Variants in COL22A1 observed in about 807,000 individuals in gnomAD.
COL22A1 encodes collagen alpha-1(XXII) chain.
A neutral mutation model predicts 248.9 loss-of-function variants in COL22A1; 221 were observed. That is an observed-to-expected ratio of 0.89 (90% confidence interval 0.80 to 0.99). COL22A1 has a LOEUF of 0.99. Among genes scored for constraint, COL22A1 ranks in the 50% least tolerant of loss-of-function variants. The pLI is 0.00. For synonymous variants in COL22A1, 891 were observed against 793.4 expected (o/e 1.12, Z -2.07); for missense variants, 2,240 against 2,179.0 (o/e 1.03, Z -0.56).
At chr8:138,817,055 T>C in intron 7 of COL22A1, among the ~76,000 whole-genome samples, 1 of 152,180 alleles carries the variant, frequency 6.6e-6, no homozygotes, top group East Asian at 1.9e-4. Context: ...GTTTCCACTG[T>C]CTCCTTTCTA....
chr8:138,848,526 C>T (rs370140264), intron 3 of COL22A1, among the ~76,000 whole-genome samples: 2 of 152,152 alleles, frequency 1.3e-5, no homozygotes, highest in African/African-American at 2.4e-5. Flanking sequence ...CACAATATGG[C>T]GTCTGATGTC....
At chr8:138,639,368 G>A (rs1821465763) in intron 47 of COL22A1, among the ~76,000 whole-genome samples, 1 of 152,168 alleles carries the variant, frequency 6.6e-6, no homozygotes, top group African/African-American at 2.4e-5. Flanking sequence ...TTATCCAACA[G>A]GTTTCAAGAT....
chr8:138,630,256 C>G (rs1161724555), intron 50 of COL22A1, among the ~76,000 whole-genome samples: 1 of 152,156 alleles, frequency 6.6e-6, no homozygotes, highest in African/African-American at 2.4e-5. Flanking sequence ...TAATTCCATT[C>G]TCCTCTTTTG....
chr8:138,785,899 G>A (rs1457017136), intron 12 of COL22A1, among the ~76,000 whole-genome samples: 1 of 152,200 alleles, frequency 6.6e-6, no homozygotes, highest in African/African-American at 2.4e-5. Flanking sequence ...CTGTGGGCTT[G>A]TAAGGGAATG....
chr8:138,771,241 C>G (rs940909128), intron 16 of COL22A1, among the ~76,000 whole-genome samples: 17 of 152,146 alleles, frequency 1.1e-4, no homozygotes, highest in African/African-American at 3.4e-4. Context: ...GAGCTTACCC[C>G]AAAGGAAGCT....
chr8:138,630,235 T>C (rs1034175244), intron 50 of COL22A1, among the ~76,000 whole-genome samples: 2 of 152,170 alleles, frequency 1.3e-5, no homozygotes, highest in Non-Finnish European at 2.9e-5. Flanking sequence ...CCTGGACTAG[T>C]GACTTCTTTT....
intron 20 of COL22A1, 124 bp from the exon 21 acceptor site, chr8:138,755,334 G>T: frequency 7.9e-7 from 1 of 1,263,686 alleles, no homozygotes; most frequent in Non-Finnish European, 1.2e-6. Flanking sequence ...GGGAGTAGAG[G>T]TATGGGAGTG....
chr8:138,717,015 G>T (rs1380017132), intron 27 of COL22A1, 146 bp from the exon 28 acceptor site: 2 of 676,034 alleles, frequency 3.0e-6, no homozygotes, highest in Non-Finnish European at 5.3e-6. Flanking sequence ...AGGCCCAAGA[G>T]TCATGGGCTC....
intron 1 of COL22A1, among the ~76,000 whole-genome samples, chr8:138,912,331 C>G (rs1208337337): frequency 6.6e-6 from 1 of 152,224 alleles, no homozygotes; most frequent in African/African-American, 2.4e-5. Context: ...TTTCCTGGAA[C>G]CTTTGAACTT....
At chr8:138,684,298 G>T in intron 39 of COL22A1, 127 bp downstream of exon 39, 1 of 744,620 alleles carries the variant, frequency 1.3e-6, no homozygotes. Flanking sequence ...TTAGTCAAAT[G>T]GAACACGATG....
At chr8:138,845,184 T>C (rs1425269317) in intron 3 of COL22A1, among the ~76,000 whole-genome samples, 2 of 152,036 alleles carry the variant, frequency 1.3e-5, no homozygotes, top group Non-Finnish European at 2.9e-5. Flanking sequence ...CAATATTACA[T>C]AAATATGTTA....
intron 27 of COL22A1, among the ~76,000 whole-genome samples, chr8:138,719,150 A>G (rs1758797924): frequency 6.6e-6 from 1 of 152,228 alleles, no homozygotes. Flanking sequence ...GGAAGATGAT[A>G]GAATTTCAAT....
At chr8:138,883,920 C>T (rs1262221658) in intron 1 of COL22A1, among the ~76,000 whole-genome samples, 1 of 152,190 alleles carries the variant, frequency 6.6e-6, no homozygotes, top group Non-Finnish European at 1.5e-5. Flanking sequence ...TCACCGTCCT[C>T]ATCTGAATAT....
chr8:138,849,807 C>T (rs1821499170), intron 3 of COL22A1, among the ~76,000 whole-genome samples: 1 of 152,198 alleles, frequency 6.6e-6, no homozygotes, highest in Non-Finnish European at 1.5e-5. Context: ...TGACAAGTGG[C>T]ACAGAACTGA....
intron 23 of COL22A1, among the ~76,000 whole-genome samples, chr8:138,727,899 C>G (rs1054319093): frequency 2.0e-5 from 3 of 152,158 alleles, no homozygotes; most frequent in African/African-American, 4.8e-5. Flanking sequence ...CTTGCTGTAT[C>G]GTGGGCTGAG....
At chr8:138,846,194 C>A (rs2131879700) in intron 3 of COL22A1, among the ~76,000 whole-genome samples, 1 of 152,310 alleles carries the variant, frequency 6.6e-6, no homozygotes, top group East Asian at 1.9e-4. Context: ...ACAGCAGCAG[C>A]TGTGGGGTGA....
intron 4 of COL22A1, among the ~76,000 whole-genome samples, chr8:138,835,630 A>G (rs1820373560): frequency 6.6e-6 from 1 of 152,164 alleles, no homozygotes; most frequent in South Asian, 2.1e-4. Context: ...AGATTTGTCA[A>G]ACTGAACATA....
At chr8:138,887,773 A>C (rs919259101) in intron 1 of COL22A1, among the ~76,000 whole-genome samples, 5 of 152,214 alleles carry the variant, frequency 3.3e-5, no homozygotes, top group African/African-American at 9.6e-5. Flanking sequence ...GGGGGTCATA[A>C]GAGTTTTGCA....
intron 23 of COL22A1, among the ~76,000 whole-genome samples, chr8:138,736,468 G>C (rs964703431): frequency 2.0e-5 from 3 of 152,094 alleles, no homozygotes; most frequent in African/African-American, 7.2e-5. Flanking sequence ...CAGGGAGGAA[G>C]GGATTTGAAG....
Sources: allele counts gnomAD v4.1 joint callset (sites outside exome capture counted in the v4.1 genomes callset), GRCh38; gene constraint gnomAD v4.1.1; transcripts MANE v1.5; gene names NCBI Gene and HGNC (gene_info 2026-07-23, HGNC 2026-07-21).